The following SNTB1 variants were observed in gnomAD, a reference collection of about 807,000 sequenced individuals.
SNTB1 encodes syntrophin beta 1.
Under a neutral mutation model 48.9 loss-of-function variants are expected in SNTB1, and 36 were observed. That is an observed-to-expected ratio of 0.74 (90% CI 0.56 to 0.97). The LOEUF (loss-of-function observed/expected upper bound fraction) is 0.97. SNTB1 is among the 50% of genes least tolerant of loss of function. The pLI is 0.00. For missense variants in SNTB1, 786 were observed against 703.4 expected, an observed-to-expected ratio of 1.12 and a Z score of -1.33; for synonymous variants, 299 against 294.6, an observed-to-expected ratio of 1.01 and a Z score of -0.15.
chr8:120,569,246 C>T (rs1208345044), intron 4 of SNTB1, among the ~76,000 whole-genome samples: 2 of 152,176 alleles, frequency 1.3e-5, no homozygotes, highest in African/African-American at 4.8e-5. Flanking sequence ...TCCCAAAATG[C>T]CAGGATTACA....
chr8:120,743,672 T>C (rs1669872859), intron 1 of SNTB1, among the ~76,000 whole-genome samples: 1 of 152,174 alleles, frequency 6.6e-6, no homozygotes, highest in Non-Finnish European at 1.5e-5. Context: ...AGAGGCACTT[T>C]TAGAGGTGTG....
chr8:120,728,240 C>T (rs554033196), intron 1 of SNTB1, among the ~76,000 whole-genome samples: 76 of 152,230 alleles, frequency 5.0e-4, no homozygotes, highest in South Asian at 3.5e-3. Flanking sequence ...GTCATCTGCC[C>T]GCCTCTGCTT....
intron 1 of SNTB1, among the ~76,000 whole-genome samples, chr8:120,799,743 C>T (rs149785164): frequency 2.4e-4 from 36 of 152,002 alleles, no homozygotes; most frequent in African/African-American, 6.5e-4. Context: ...TCTGGGTAAA[C>T]GGTGTCCTTA....
intron 2 of SNTB1, among the ~76,000 whole-genome samples, chr8:120,677,203 C>G (rs1347720292): frequency 6.6e-6 from 1 of 152,204 alleles, no homozygotes; most frequent in Non-Finnish European, 1.5e-5. Context: ...TCCACTCTGG[C>G]TCATGCACCT....
In SNTB1 at chr8:120,650,033, C is replaced by T. The variant is rs972352756; in HGVS notation, c.789-17382G>A. Reference sequence around the variant, plus strand: ...GCCTCGCCCTGCTTCGGCTCGCGCACGGTGCACGCACCCACTGACCTGCGC... The same window carrying T: ...GCCTCGCCCTGCTTCGGCTCGCGCATGGTGCACGCACCCACTGACCTGCGC... On this transcript the variant is annotated intron_variant, in intron 2 of 6. Coordinates refer to ENST00000517992, the MANE Select transcript of SNTB1 (RefSeq NM_021021.4). Among the ~76,000 whole-genome samples the T allele has an allele frequency of 4.1e-3, 629 of 151,836 alleles. 4 individuals are homozygous for T. Among genetic ancestry groups the T allele is most frequent in the African/African-American group, 0.014 (594 of 41,476 alleles).
intron 2 of SNTB1, among the ~76,000 whole-genome samples, chr8:120,665,480 T>G (rs974447540): frequency 2.0e-5 from 3 of 152,062 alleles, no homozygotes; most frequent in Non-Finnish European, 4.4e-5. Context: ...AATATATATG[T>G]TCTGGATACA....
intron 1 of SNTB1, among the ~76,000 whole-genome samples, chr8:120,720,567 T>G (rs547061670): frequency 1.4e-4 from 21 of 152,350 alleles, no homozygotes; most frequent in African/African-American, 5.0e-4. Flanking sequence ...CCTGACCCAG[T>G]GCAAAGACCT....
At chr8:120,691,133 CT>C (rs1818120692) in intron 2 of SNTB1, among the ~76,000 whole-genome samples, 1 of 152,200 alleles carries the variant, frequency 6.6e-6, no homozygotes, top group Non-Finnish European at 1.5e-5. Flanking sequence ...GGTCTGATGT[CT>C]CCCAAAATAT....
At chr8:120,756,224 CATCT>C (rs1819315365) in intron 1 of SNTB1, among the ~76,000 whole-genome samples, 1 of 152,116 alleles carries the variant, frequency 6.6e-6, no homozygotes, top group African/African-American at 2.4e-5. Context: ...GACATTAAAG[CATCT>C]ATTTATATTT....
intron 1 of SNTB1, among the ~76,000 whole-genome samples, chr8:120,760,297 CAAA>C (rs77673399): frequency 2.9e-5 from 2 of 69,220 alleles, no homozygotes; most frequent in Non-Finnish European, 3.4e-5. Context: ...AGAAACAAGC[CAAA>C]AAAAAAAAAA....
rs558299746 is a variant in SNTB1, at chr8:120,722,138, T to C, written c.572-28230A>G. On this transcript the variant is annotated intron_variant, in intron 1 of 6. Coordinates refer to ENST00000517992, the MANE Select transcript of SNTB1 (RefSeq NM_021021.4). ...CACATTTTCTTAATCCAGTCTATCA[T>C]TGCTGGACATTTGGGTTGGTTCTGT... 1.2e-4 allele frequency among the ~76,000 whole-genome samples: 19 copies of C among 152,338 alleles called. No homozygotes were observed. In the South Asian group the frequency reaches 3.9e-3, roughly 32 times the overall value.
At chr8:120,596,252 C>T (rs556303317) in intron 3 of SNTB1, among the ~76,000 whole-genome samples, 1 of 151,800 alleles carries the variant, frequency 6.6e-6, no homozygotes, top group East Asian at 1.9e-4. Context: ...TCACAAAGGT[C>T]GACATTCACT....
At chr8:120,802,564 G>A (rs957490584) in intron 1 of SNTB1, among the ~76,000 whole-genome samples, 4 of 152,040 alleles carry the variant, frequency 2.6e-5, no homozygotes, top group Non-Finnish European at 5.9e-5. Flanking sequence ...AAACAACCTC[G>A]CCTTGGTCAT....
chr8:120,649,739 G>C (rs1817374874), intron 2 of SNTB1, among the ~76,000 whole-genome samples: 1 of 152,168 alleles, frequency 6.6e-6, no homozygotes, highest in Non-Finnish European at 1.5e-5. Context: ...ATGAAGCCTG[G>C]GCAATGGCGG....
At chr8:120,788,444 A>G (rs776195689) in intron 1 of SNTB1, among the ~76,000 whole-genome samples, 5 of 152,118 alleles carry the variant, frequency 3.3e-5, no homozygotes, top group Non-Finnish European at 7.4e-5. Context: ...ACAGATTGGC[A>G]TAACTGATTT....
intron 1 of SNTB1, among the ~76,000 whole-genome samples, chr8:120,778,831 A>T (rs1019993981): frequency 1.3e-5 from 2 of 152,200 alleles, no homozygotes; most frequent in African/African-American, 4.8e-5. Flanking sequence ...GGAATAGTCT[A>T]AAAAAACTGA....
intron 1 of SNTB1, among the ~76,000 whole-genome samples, chr8:120,772,734 A>T (rs552467359): frequency 1.3e-5 from 2 of 152,314 alleles, no homozygotes; most frequent in South Asian, 4.1e-4. Context: ...CAGGTTTTAA[A>T]TTGATGGACT....
chr8:120,745,141 T>TG (rs35031543), intron 1 of SNTB1, among the ~76,000 whole-genome samples: 19,897 of 151,832 alleles, frequency 0.13, 1,699 homozygotes, highest in African/African-American at 0.24. Context: ...CCCAACTAGG[T>TG]TCCTCTCTGC....
chr8:120,781,214 A>C (rs1171507772), intron 1 of SNTB1, among the ~76,000 whole-genome samples: 2 of 152,240 alleles, frequency 1.3e-5, no homozygotes, highest in African/African-American at 4.8e-5. Flanking sequence ...ATGTAACATA[A>C]GCATATTTTT....
Sources: gnomAD v4.1 joint callset for allele counts (sites outside exome capture counted in the v4.1 genomes callset) on GRCh38, gnomAD v4.1.1 for gene constraint, MANE v1.5 for transcripts, NCBI Gene and HGNC (gene_info 2026-07-23, HGNC 2026-07-21) for gene names.